Variants in TMEM163 observed in about 807,000 individuals in gnomAD.
The protein encoded by TMEM163 is transmembrane protein 163.
Under a neutral mutation model 29.3 loss-of-function variants are expected in TMEM163, and 17 were observed. The ratio of observed to expected loss-of-function variants is 0.58; its 90% CI spans 0.40 to 0.87. TMEM163 has a LOEUF of 0.87. Ranked by LOEUF, TMEM163 falls within the 40% of genes least tolerant of loss-of-function variation. The pLI is 0.00. For synonymous variants in TMEM163, 157 were observed against 160.6 expected (o/e 0.98, Z 0.17); for missense variants, 303 against 381.5 (o/e 0.79, Z 1.71).
At chr2:134,485,265 T>C (rs1679282449) in intron 5 of TMEM163, among the ~76,000 whole-genome samples, 1 of 152,240 alleles carries the variant, frequency 6.6e-6, no homozygotes, top group African/African-American at 2.4e-5. Flanking sequence ...AAGCCTGTTT[T>C]ATAATCAAGT....
At chr2:134,583,332 T>G (rs1432557465) in intron 2 of TMEM163, among the ~76,000 whole-genome samples, 1 of 152,240 alleles carries the variant, frequency 6.6e-6, no homozygotes, top group Non-Finnish European at 1.5e-5. Flanking sequence ...CCACAGCAAG[T>G]GCTTACTGGC....
intron 2 of TMEM163, among the ~76,000 whole-genome samples, chr2:134,556,027 G>A (rs1160067561): frequency 6.6e-6 from 1 of 152,186 alleles, no homozygotes; most frequent in African/African-American, 2.4e-5. Context: ...ATATTGGAAC[G>A]GGGATGTCTT....
chr2:134,688,654 C>T (rs1320099722), intron 2 of TMEM163, among the ~76,000 whole-genome samples: 3 of 152,206 alleles, frequency 2.0e-5, no homozygotes, highest in Non-Finnish European at 2.9e-5. Flanking sequence ...TTCATAGACA[C>T]TCTACATATT....
intron 5 of TMEM163, chr2:134,469,656 C>G (rs1686750091): frequency 6.6e-6 from 1 of 151,740 alleles, no homozygotes; most frequent in African/African-American, 2.4e-5. Flanking sequence ...TCCACGGGCT[C>G]GCCCAGGGGA....
At chr2:134,527,684 G>A (rs1221265464) in intron 4 of TMEM163, among the ~76,000 whole-genome samples, 7 of 152,270 alleles carry the variant, frequency 4.6e-5, no homozygotes, top group Middle Eastern at 3.4e-3. Context: ...GAATCATTCC[G>A]GTCCTGGCTG....
At chr2:134,570,469 T>TATATACATATACATATACATATAC (rs199827256) in intron 2 of TMEM163, among the ~76,000 whole-genome samples, 108 of 145,194 alleles carry the variant, frequency 7.4e-4, no homozygotes, top group African/African-American at 2.0e-3. Context: ...ACTACATATA[T>TATATACATATACATATACATATAC]ATATACATAT....
At chr2:134,518,033 A>G (rs1471401528) in intron 4 of TMEM163, among the ~76,000 whole-genome samples, 1 of 152,238 alleles carries the variant, frequency 6.6e-6, no homozygotes, top group African/African-American at 2.4e-5. Flanking sequence ...ACTATTTTGA[A>G]AGGCTGACAT....
At chr2:134,489,308 G>A (rs184193236) in intron 5 of TMEM163, among the ~76,000 whole-genome samples, 8 of 152,040 alleles carry the variant, frequency 5.3e-5, no homozygotes, top group Non-Finnish European at 8.8e-5. Flanking sequence ...GCGTGATGAT[G>A]ATGGTTCACA....
intron 2 of TMEM163, among the ~76,000 whole-genome samples, chr2:134,557,009 G>C (rs2104774587): frequency 6.6e-6 from 1 of 152,272 alleles, no homozygotes; most frequent in South Asian, 2.1e-4. Flanking sequence ...GATCAGAAGA[G>C]GCTTCATTGA....
chr2:134,661,181 CT>C (rs1287824224), intron 2 of TMEM163, among the ~76,000 whole-genome samples: 3 of 151,932 alleles, frequency 2.0e-5, no homozygotes, highest in African/African-American at 7.3e-5. Context: ...CTCTCTCTCT[CT>C]CCCATGAGAT....
chr2:134,575,357 G>A (rs1194284606), intron 2 of TMEM163, among the ~76,000 whole-genome samples: 1 of 152,066 alleles, frequency 6.6e-6, no homozygotes, highest in African/African-American at 2.4e-5. Flanking sequence ...CACCATTCCT[G>A]CTGCTGTCAG....
At chr2:134,710,188 G>A (rs1036588113) in intron 2 of TMEM163, among the ~76,000 whole-genome samples, 8 of 152,158 alleles carry the variant, frequency 5.3e-5, no homozygotes, top group Non-Finnish European at 8.8e-5. Context: ...TCAAAAGCGC[G>A]TCCTTAACCT....
intron 2 of TMEM163, among the ~76,000 whole-genome samples, chr2:134,602,364 C>T (rs767502470): frequency 6.6e-6 from 1 of 152,172 alleles, no homozygotes; most frequent in Non-Finnish European, 1.5e-5. Flanking sequence ...CTTCCCCTTC[C>T]TACAGCCACA....
intron 2 of TMEM163, among the ~76,000 whole-genome samples, chr2:134,706,911 A>G (rs1684827487): frequency 6.6e-6 from 1 of 152,194 alleles, no homozygotes; most frequent in Non-Finnish European, 1.5e-5. Context: ...ATCCCTGATC[A>G]CGTGGCCACA....
At chr2:134,544,860 C>G (rs1172241984) in intron 4 of TMEM163, among the ~76,000 whole-genome samples, 1 of 152,092 alleles carries the variant, frequency 6.6e-6, no homozygotes, top group Admixed American at 6.5e-5. Flanking sequence ...ACCCAATGAC[C>G]ACATGGGGCT....
intron 5 of TMEM163, among the ~76,000 whole-genome samples, chr2:134,470,711 G>GCTCCTCTCCCAAAA (rs1469815489): frequency 6.6e-6 from 1 of 152,172 alleles, no homozygotes; most frequent in Non-Finnish European, 1.5e-5. Flanking sequence ...ACCTGCCAAA[G>GCTCCTCTCCCAAAA]CTCCTCTCCC....
At chr2:134,530,458 G>A (rs1485125233) in intron 4 of TMEM163, among the ~76,000 whole-genome samples, 11 of 151,996 alleles carry the variant, frequency 7.2e-5, no homozygotes, top group African/African-American at 2.4e-4. Flanking sequence ...TTCATTTTTT[G>A]TAGAGACAGG....
At chr2:134,632,909 A>ATTTTTTTTTTTT (rs57488299) in intron 2 of TMEM163, among the ~76,000 whole-genome samples, 11 of 118,612 alleles carry the variant, frequency 9.3e-5, no homozygotes, top group African/African-American at 1.3e-4. Context: ...CACCCAGCTA[A>ATTTTTTTTTTTT]TTTTTTTTTT....
At chr2:134,561,048 C>T (rs1681161170) in intron 2 of TMEM163, among the ~76,000 whole-genome samples, 1 of 152,254 alleles carries the variant, frequency 6.6e-6, no homozygotes, top group African/African-American at 2.4e-5. Context: ...GCAGGAGGAA[C>T]ATCCCCTGAA....
Sources: allele counts gnomAD v4.1 joint callset (sites outside exome capture counted in the v4.1 genomes callset), GRCh38; gene constraint gnomAD v4.1.1; transcripts MANE v1.5; gene names NCBI Gene and HGNC (gene_info 2026-07-23, HGNC 2026-07-21).